The following DIPK1C variants were observed in gnomAD, a reference collection of about 807,000 sequenced individuals.
The protein encoded by DIPK1C is divergent protein kinase domain 1C.
DIPK1C carries 33 observed loss-of-function variants against 28.0 expected under a neutral mutation model. That is an observed-to-expected ratio of 1.18 (90% CI 0.89 to 1.58). DIPK1C has a LOEUF of 1.58. Ranked by LOEUF, DIPK1C falls within the 40% of genes most tolerant of loss-of-function variation. The pLI is 0.00. For synonymous variants in DIPK1C, 255 were observed against 248.8 expected (o/e 1.02, Z -0.23); for missense variants, 569 against 568.5 (o/e 1.00, Z -0.01).
intron 1 of DIPK1C, among the ~76,000 whole-genome samples, chr18:74,452,732 A>C (rs1986426489): frequency 6.6e-6 from 1 of 152,106 alleles, no homozygotes; most frequent in African/African-American, 2.4e-5. Flanking sequence ...AACTCCAAAA[A>C]CTTTCATCAT....
At chr18:74,439,759 G>A (rs1986077159) in intron 3 of DIPK1C, among the ~76,000 whole-genome samples, 2 of 152,332 alleles carry the variant, frequency 1.3e-5, no homozygotes, top group African/African-American at 4.8e-5. Flanking sequence ...GTTCGAGGCT[G>A]TAGTGAGCTA....
At chr18:74,461,068 T>C (rs1031929548), upstream of DIPK1C, among the ~76,000 whole-genome samples, 2 of 152,184 alleles carry the variant, frequency 1.3e-5, no homozygotes, top group Non-Finnish European at 2.9e-5. Context: ...GCACTCCAAA[T>C]GTCCATAAGG....
Position 74,446,533 on chromosome 18 carries a change from C to T in DIPK1C, c.876+73G>A, listed in dbSNP as rs533178486. 9 of 1,331,800 alleles carry T rather than the reference C, an allele frequency of 6.8e-6. No homozygotes were observed. In the South Asian group the frequency reaches 1.5e-4, roughly 22 times the overall value. The allele number at this position is 1,331,800 out of a possible 1,614,324, so 82.5% of individuals were successfully genotyped here. A position where few individuals can be genotyped will look rare whatever the true frequency, so the allele number is the denominator to read the frequency against. On this transcript the variant is annotated intron_variant, in intron 2 of 3. Transcript: ENST00000343998. Reference sequence around the variant, plus strand: ...TAACTCAGGCCAGGAGCTCAGAAACCTTCTCATTTCCTTCCCTCCAGACCC... The same window carrying T: ...TAACTCAGGCCAGGAGCTCAGAAACTTTCTCATTTCCTTCCCTCCAGACCC...
intron 1 of DIPK1C, among the ~76,000 whole-genome samples, chr18:74,451,088 G>C (rs1275383686): frequency 4.6e-5 from 7 of 152,212 alleles, no homozygotes. Context: ...CTTCCTGGGG[G>C]AGACGCCTCT....
chr18:74,436,743 T>C (rs770311448), intron 3 of DIPK1C, 24 bp from the exon 4 acceptor site: 1 of 1,581,622 alleles, frequency 6.3e-7, no homozygotes, highest in South Asian at 1.2e-5. Context: ...GGGTGGACAG[T>C]TAATTTAGGG....
rs1985998387 is a variant in DIPK1C, at chr18:74,436,561, G to T, written c.1200C>A (p.Phe400Leu). 6 of 1,609,644 alleles carry T rather than the reference G, an allele frequency of 3.7e-6. No homozygotes were observed. The highest frequency in any genetic ancestry group is 3.3e-5 in the South Asian group (3 of 90,306). ...CTTGGAGGAGTTGGCGAAGCTTCCA[G>T]AACACGCTGGAGGCTGCTCTCCGGG... ...GNTRRAASSV[F>L]WKLRQLLQAT... The change falls in exon 4 of 4, where the codon TTC (phenylalanine) becomes TTA (leucine). Residue 400 changes from phenylalanine to leucine, a missense_variant. By Grantham distance (22) the Phe-to-Leu change is conservative. Transcript: ENST00000343998.
intron 1 of DIPK1C, among the ~76,000 whole-genome samples, chr18:74,448,978 G>A (rs1342576450): frequency 6.6e-6 from 1 of 152,090 alleles, no homozygotes; most frequent in Non-Finnish European, 1.5e-5. Context: ...GCATGGTGGT[G>A]CATGCCTGTA....
chr18:74,455,231 C>T (rs982024712), intron 1 of DIPK1C, among the ~76,000 whole-genome samples: 17 of 152,072 alleles, frequency 1.1e-4, no homozygotes, highest in Admixed American at 2.6e-4. Flanking sequence ...TTATACTAGA[C>T]GATTTAATTT....
intron 1 of DIPK1C, among the ~76,000 whole-genome samples, chr18:74,451,551 TC>T (rs1334743821): frequency 1.3e-5 from 2 of 152,218 alleles, no homozygotes; most frequent in Non-Finnish European, 2.9e-5. Context: ...GGAGGGCGAT[TC>T]CAAACAGGAG....
intron 2 of DIPK1C, among the ~76,000 whole-genome samples, chr18:74,445,406 C>A (rs1030793983): frequency 6.6e-6 from 1 of 152,196 alleles, no homozygotes; most frequent in Non-Finnish European, 1.5e-5. Context: ...CCCTCCAGGG[C>A]AGCAGGGGGC....
chr18:74,449,534 T>C (rs7243585), intron 1 of DIPK1C, among the ~76,000 whole-genome samples: 103,857 of 152,218 alleles, frequency 0.68, 36,233 homozygotes, highest in Non-Finnish European at 0.76. Flanking sequence ...AATGCCAAGC[T>C]GTCTGACTGC....
chr18:74,455,368 G>A (rs1986483411), intron 1 of DIPK1C, among the ~76,000 whole-genome samples: 1 of 152,048 alleles, frequency 6.6e-6, no homozygotes, highest in South Asian at 2.1e-4. Context: ...AACCATCAAT[G>A]TTTGTTTACT....
upstream of DIPK1C, among the ~76,000 whole-genome samples, chr18:74,460,560 G>T (rs1238343661): frequency 3.3e-5 from 5 of 152,130 alleles, no homozygotes; most frequent in African/African-American, 4.8e-5. Context: ...TAATAGTAAA[G>T]CCGTGTTATT....
At chr18:74,440,004 A>G (rs1251068771) in intron 3 of DIPK1C, among the ~76,000 whole-genome samples, 6 of 141,248 alleles carry the variant, frequency 4.2e-5, no homozygotes, top group East Asian at 4.2e-4. Context: ...GAGTGCAGTG[A>G]TGCAATCTCG....
At chr18:74,440,015 G>A (rs1986084773) in intron 3 of DIPK1C, among the ~76,000 whole-genome samples, 1 of 150,642 alleles carries the variant, frequency 6.6e-6, no homozygotes, top group East Asian at 2.0e-4. Flanking sequence ...TGCAATCTCG[G>A]CTCACTGCAA....
chr18:74,457,299 G>T lies in DIPK1C; in HGVS notation c.-40C>A. ...GCGCCCGGGCCCCACCGCCGCCCGC[G>T]CCCCGAGTTCCGCACTCGCGTAGCT... On this transcript the variant is annotated 5_prime_UTR_variant, in exon 1 of 4. Coordinates refer to ENST00000343998, the MANE Select transcript of DIPK1C (RefSeq NM_001044369.3). 1 of 982,532 alleles carries T rather than the reference G, an allele frequency of 1.0e-6. No individual in the cohort carries two copies. Among genetic ancestry groups the T allele is most frequent in the South Asian group, 4.5e-5 (1 of 22,074 alleles). 60.9% of individuals were successfully genotyped at this position (982,532 alleles called of 1,614,324 possible).
In DIPK1C at chr18:74,435,994, G is replaced by A. The variant is rs753748170; in HGVS notation, c.*507C>T. On this transcript the variant is annotated 3_prime_UTR_variant, in exon 4 of 4. Coordinates refer to ENST00000343998, the MANE Select transcript of DIPK1C (RefSeq NM_001044369.3). ...ACTCAGGCATACTCATACTCCTCATGAGCACACCACACTCACCTGTGCACA... is the reference window on the plus strand; with the variant it reads ...ACTCAGGCATACTCATACTCCTCATAAGCACACCACACTCACCTGTGCACA... The A allele has an allele frequency of 1.8e-5, 3 of 170,756 alleles. No homozygotes were observed. The highest frequency in any genetic ancestry group is 7.2e-5 in the African/African-American group (3 of 41,814). 10.6% of individuals were successfully genotyped at this position (170,756 alleles called of 1,614,324 possible). A position where few individuals can be genotyped will look rare whatever the true frequency, so the allele number is the denominator to read the frequency against.
Position 74,447,007 on chromosome 18 carries a change from G to A in DIPK1C, c.475C>T (p.Leu159=), listed in dbSNP as rs377180485. 2.6e-6 allele frequency: 4 copies of A among 1,539,784 alleles called. No individual in the cohort carries two copies. The highest frequency in any genetic ancestry group is 4.9e-5 in the East Asian group (2 of 40,684). Residue 159 remains leucine, a synonymous_variant, in exon 2 of 4, where the codon CTG becomes TTG. Transcript: ENST00000343998. The surrounding 1 kb of genome is among the most constrained non-coding windows in gnomAD (Gnocchi z 4.1). ...LMVAGEVKSA[L]GLELSNSSLG... ...CTGCTGTTGGACAACTCCAGGCCCA[G>A]AGCGCTCTTGACCTCCCCAGCCACC...
chr18:74,455,736 G>GAAA (rs1277479013), intron 1 of DIPK1C, among the ~76,000 whole-genome samples: 1 of 138,060 alleles, frequency 7.2e-6, no homozygotes, highest in Non-Finnish European at 1.5e-5. Flanking sequence ...AAAAAAAAAA[G>GAAA]AAAAAGAAAA....
Sources: gnomAD v4.1 joint callset for allele counts (sites outside exome capture counted in the v4.1 genomes callset) on GRCh38, gnomAD v4.1.1 for gene constraint, Gnocchi (gnomAD v3.1) non-coding constraint, MANE v1.5 for transcripts, NCBI Gene and HGNC (gene_info 2026-07-23, HGNC 2026-07-21) for gene names.